The following EVA1A variants were observed in gnomAD, a reference collection of about 807,000 sequenced individuals.
The protein encoded by EVA1A is protein eva-1 homolog A.
EVA1A carries 7 observed loss-of-function variants against 9.8 expected under a neutral mutation model. That is an observed-to-expected ratio of 0.71 (90% CI 0.41 to 1.34). The LOEUF (loss-of-function observed/expected upper bound fraction) is 1.34. Ranked by LOEUF, EVA1A falls within the 40% of genes most tolerant of loss-of-function variation. The pLI is 0.01. For synonymous variants in EVA1A, 90 were observed against 85.6 expected (o/e 1.05, Z -0.28); for missense variants, 206 against 205.9 (o/e 1.00, Z 0.00).
intron 1 of EVA1A, among the ~76,000 whole-genome samples, chr2:75,552,913 CT>C (rs1246858563): frequency 2.6e-5 from 4 of 152,244 alleles, no homozygotes; most frequent in African/African-American, 9.6e-5. Context: ...AATATTTACT[CT>C]ATTGCCAGAA....
At chr2:75,539,412 A>G (rs1356090366) in intron 1 of EVA1A, among the ~76,000 whole-genome samples, 2 of 152,226 alleles carry the variant, frequency 1.3e-5, no homozygotes, top group African/African-American at 4.8e-5. Flanking sequence ...ACCATGCCCT[A>G]TCTTTAAGAC....
rs117518774 is a variant in EVA1A, at chr2:75,548,724, T to C, written c.-192+11956A>G. ...GCGCCTACAGATCTTTCTCCTTTAC[T>C]GGACACCCCCAACCTAAACCTCTCT... On this transcript the variant is annotated intron_variant, in intron 1 of 3. Coordinates refer to ENST00000393913, the MANE Select transcript of EVA1A (RefSeq NM_001135032.2). Among the ~76,000 whole-genome samples, 135 of 152,232 alleles carry C rather than the reference T, an allele frequency of 8.9e-4. No homozygotes were observed. In the East Asian group the frequency reaches 0.025, roughly 29 times the overall value.
chr2:75,539,403 C>A (rs1221848663), intron 1 of EVA1A, among the ~76,000 whole-genome samples: 1 of 152,224 alleles, frequency 6.6e-6, no homozygotes. Flanking sequence ...CCAAGCTCCA[C>A]CATGCCCTAT....
intron 3 of EVA1A, among the ~76,000 whole-genome samples, chr2:75,502,834 CA>C (rs1674477197): frequency 1.3e-5 from 2 of 152,296 alleles, no homozygotes; most frequent in South Asian, 4.1e-4. Flanking sequence ...ATGAGGGTGT[CA>C]AATGTAATTC....
chr2:75,557,938 A>C (rs1156879604), intron 1 of EVA1A, among the ~76,000 whole-genome samples: 1 of 152,278 alleles, frequency 6.6e-6, no homozygotes, highest in African/African-American at 2.4e-5. Flanking sequence ...ACATTAACTG[A>C]GCACTTATTA....
intron 1 of EVA1A, among the ~76,000 whole-genome samples, chr2:75,557,998 G>T (rs1676780968): frequency 6.6e-6 from 1 of 152,238 alleles, no homozygotes; most frequent in African/African-American, 2.4e-5. Flanking sequence ...TAAAGAGTAT[G>T]TGTTTTGAAA....
intron 3 of EVA1A, among the ~76,000 whole-genome samples, chr2:75,515,169 A>T (rs1395426858): frequency 6.6e-6 from 1 of 152,120 alleles, no homozygotes; most frequent in African/African-American, 2.4e-5. Context: ...GATTTATAAA[A>T]GCTCTTTATT....
intron 1 of EVA1A, among the ~76,000 whole-genome samples, chr2:75,543,671 C>G (rs995040793): frequency 4.6e-5 from 7 of 152,060 alleles, no homozygotes; most frequent in Non-Finnish European, 5.9e-5. Flanking sequence ...GGGAGGTGGG[C>G]GGCTTCTACC....
chr2:75,547,796 C>T (rs1676384060), intron 1 of EVA1A, among the ~76,000 whole-genome samples: 1 of 152,232 alleles, frequency 6.6e-6, no homozygotes, highest in Non-Finnish European at 1.5e-5. Context: ...CAGAGTCACC[C>T]ACCAGCATTA....
At chr2:75,563,726 A>G (rs909409774), upstream of EVA1A, among the ~76,000 whole-genome samples, 1 of 152,138 alleles carries the variant, frequency 6.6e-6, no homozygotes, top group Non-Finnish European at 1.5e-5. Context: ...GCCCACCCCC[A>G]TTCTATGGAG....
intron 3 of EVA1A, among the ~76,000 whole-genome samples, chr2:75,496,200 A>G (rs1558669180): frequency 6.6e-6 from 1 of 152,062 alleles, no homozygotes; most frequent in East Asian, 1.9e-4. Flanking sequence ...TAGGCAAGAG[A>G]AAAAAAACAA....
At chr2:75,499,743 G>C (rs1298961381) in intron 3 of EVA1A, among the ~76,000 whole-genome samples, 1 of 152,090 alleles carries the variant, frequency 6.6e-6, no homozygotes, top group African/African-American at 2.4e-5. Context: ...CAGGGTGACG[G>C]CTGGTCAGGG....
chr2:75,493,335 G>A lies in EVA1A; in HGVS notation c.360C>T (p.Arg120=). 1.2e-6 allele frequency: 2 copies of A among 1,614,178 alleles called. No individual in the cohort carries two copies. The highest frequency in any genetic ancestry group is 1.7e-6 in the Non-Finnish European group (2 of 1,180,018). The change falls in exon 4 of 4, where the codon CGC becomes CGT. Residue 120 remains arginine (R), a synonymous_variant. Transcript: ENST00000393913. The stretch of plus-strand genomic sequence containing the variant: ...GCTCGCGCTCCTCCAGCCGCTGGGC[G>A]CGCTCCAGCTCCTCCGCAGAGGTGA... ...NVFTSAEELE[R]AQRLEERERI... is the part of the protein sequence containing the mutation.
intron 3 of EVA1A, among the ~76,000 whole-genome samples, chr2:75,497,161 T>G (rs1674241050): frequency 6.6e-6 from 1 of 152,038 alleles, no homozygotes; most frequent in Admixed American, 6.6e-5. Context: ...CAAATGCAAT[T>G]GTGACAAAAA....
intron 3 of EVA1A, among the ~76,000 whole-genome samples, chr2:75,504,995 C>A (rs1317582139): frequency 3.9e-5 from 6 of 152,174 alleles, no homozygotes; most frequent in Non-Finnish European, 1.5e-5. Flanking sequence ...ATTTCATCCC[C>A]TTCCACAGGC....
At chr2:75,531,158 CA>C (rs553456619) in intron 1 of EVA1A, among the ~76,000 whole-genome samples, 1 of 152,114 alleles carries the variant, frequency 6.6e-6, no homozygotes, top group South Asian at 2.1e-4. Context: ...ACAATAGCTG[CA>C]AAAACAAAAA....
intron 1 of EVA1A, among the ~76,000 whole-genome samples, chr2:75,550,134 G>T (rs1676471618): frequency 6.6e-6 from 1 of 152,080 alleles, no homozygotes; most frequent in African/African-American, 2.4e-5. Context: ...TCTAAACCTG[G>T]TAACAAAGAA....
Position 75,493,804 on chromosome 2 carries a change from A to T in EVA1A, c.86-195T>A, listed in dbSNP as rs543790328. 6.6e-5 allele frequency among the ~76,000 whole-genome samples: 10 copies of T among 152,370 alleles called. No homozygotes were observed. The South Asian group carries it at 1.9e-3, about 28-fold the overall frequency. On this transcript the variant is annotated intron_variant, in intron 3 of 3. Transcript: ENST00000393913. ...CAAACGGTGAATCTGTGAAAGGTATATGAAATTCTTTCACTCTTCTTGCAA... is the reference window on the plus strand; with the variant it reads ...CAAACGGTGAATCTGTGAAAGGTATTTGAAATTCTTTCACTCTTCTTGCAA...
intron 1 of EVA1A, among the ~76,000 whole-genome samples, chr2:75,568,860 T>C (rs1367804970): frequency 2.0e-5 from 3 of 152,232 alleles, no homozygotes; most frequent in African/African-American, 4.8e-5. Flanking sequence ...CTCTGGTTGG[T>C]TGATGAGCAC....
Sources: allele counts gnomAD v4.1 joint callset (sites outside exome capture counted in the v4.1 genomes callset), GRCh38; gene constraint gnomAD v4.1.1; transcripts MANE v1.5; gene names NCBI Gene and HGNC (gene_info 2026-07-23, HGNC 2026-07-21).